Variants in PCLO observed in about 807,000 individuals in gnomAD.
The protein encoded by PCLO is protein piccolo.
Under a neutral mutation model 427.5 loss-of-function variants are expected in PCLO, and 82 were observed. The ratio of observed to expected loss-of-function variants is 0.19; its 90% CI spans 0.16 to 0.23. The LOEUF is 0.23. Among genes scored for constraint, PCLO ranks in the 10% least tolerant of loss-of-function variants. The pLI is 1.00. For missense variants in PCLO, 6,239 were observed against 6,115.9 expected (o/e 1.02, Z -0.67); for synonymous variants, 2,357 against 2,155.4 (o/e 1.09, Z -2.59).
At chr7:83,150,937 C>A (rs1009468387) in intron 2 of PCLO, among the ~76,000 whole-genome samples, 3 of 152,116 alleles carry the variant, frequency 2.0e-5, no homozygotes, top group African/African-American at 7.2e-5. Flanking sequence ...TTGGAAGATG[C>A]AGATTTACTT....
At chr7:83,132,196 C>G (rs988803768) in intron 3 of PCLO, among the ~76,000 whole-genome samples, 2 of 152,146 alleles carry the variant, frequency 1.3e-5, no homozygotes, top group Admixed American at 1.3e-4. Context: ...TGTACATTAG[C>G]ATAGTCAAGG....
intron 4 of PCLO, among the ~76,000 whole-genome samples, chr7:82,958,490 C>A (rs1338234860): frequency 6.6e-6 from 1 of 151,630 alleles, no homozygotes; most frequent in Non-Finnish European, 1.5e-5. Context: ...TAAATATATA[C>A]CTTTATTATG....
intron 22 of PCLO, among the ~76,000 whole-genome samples, chr7:82,771,709 C>A (rs1409976014): frequency 6.6e-6 from 1 of 152,018 alleles, no homozygotes; most frequent in African/African-American, 2.4e-5. Context: ...TTGTGGTAAT[C>A]TATTATGTGA....
chr7:82,827,721 T>C (rs543025064), intron 17 of PCLO, among the ~76,000 whole-genome samples, 152 bp downstream of exon 17: 148 of 152,230 alleles, frequency 9.7e-4, no homozygotes, highest in Middle Eastern at 3.4e-3. Context: ...TGTCACTCAT[T>C]TTTTTCCATT....
At position 83,156,520 on chromosome 7, in the gene PCLO, A is replaced by G. The variant is rs946733966; in HGVS notation, c.249-128T>C. ...GAATGTATAAATATAACTAGAACCC[A>G]TTTTTGTAGCATCCTTTAAGTGATC... On this transcript the variant is annotated intron_variant, in intron 1 of 24. Coordinates refer to ENST00000333891, the MANE Select transcript of PCLO (RefSeq NM_033026.6). 9.1e-6 allele frequency: 5 copies of G among 547,702 alleles called. No individual in the cohort carries two copies. In the South Asian group the frequency reaches 1.2e-4, roughly 13 times the overall value. The allele number at this position is 547,702 out of a possible 1,614,324, so 33.9% of individuals were successfully genotyped here.
chr7:82,824,202 C>T (rs1222655508), intron 19 of PCLO, 34 bp downstream of exon 19: 4 of 1,483,634 alleles, frequency 2.7e-6, no homozygotes, highest in Non-Finnish European at 3.7e-6. Flanking sequence ...CAAATAGACA[C>T]AAAACTTTTT....
chr7:82,974,418 A>C (rs1583860479), intron 3 of PCLO, among the ~76,000 whole-genome samples: 1 of 152,168 alleles, frequency 6.6e-6, no homozygotes, highest in Non-Finnish European at 1.5e-5. Flanking sequence ...CTGATCATCT[A>C]CCAGTGTGTG....
chr7:82,823,204 G>C (rs1011409896), intron 19 of PCLO, among the ~76,000 whole-genome samples: 4 of 152,104 alleles, frequency 2.6e-5, no homozygotes, highest in Non-Finnish European at 5.9e-5. Context: ...GATAAGAGTT[G>C]AGATGGCTAA....
intron 9 of PCLO, among the ~76,000 whole-genome samples, chr7:82,899,208 A>G (rs1305945059): frequency 1.3e-5 from 2 of 151,476 alleles, no homozygotes; most frequent in Non-Finnish European, 1.5e-5. Context: ...TAACATATAA[A>G]TGAAAGTAGA....
In PCLO at chr7:82,916,027, T is replaced by C. The variant is rs1442327950; in HGVS notation, c.11959A>G (p.Met3987Val). The change falls in exon 7 of 25, where the codon ATG becomes GTG. Residue 3987 changes from methionine to valine, a missense_variant. Physicochemically the swap from Met to Val is conservative, Grantham distance 21. Transcript: ENST00000333891. ...TTATCCGTAGAAACAGGTGCTATCA[T>C]AAGGGGTTGGTTGCGAATCACTTCA... Reference protein sequence around the residue: ...NYEVIRNQPLMIAPVSTDNTF... With the variant: ...NYEVIRNQPLVIAPVSTDNTF... The C allele has an allele frequency of 6.2e-7, 1 of 1,612,908 alleles. No individual in the cohort carries two copies. The highest frequency in any genetic ancestry group is 1.1e-5 in the South Asian group (1 of 91,090).
chr7:83,137,979 A>G (rs956305364), intron 2 of PCLO, among the ~76,000 whole-genome samples: 1 of 152,182 alleles, frequency 6.6e-6, no homozygotes, highest in Admixed American at 6.5e-5. Flanking sequence ...GTCTATAAAT[A>G]TGCATCTACC....
At chr7:83,106,411 T>G (rs1790857734) in intron 3 of PCLO, among the ~76,000 whole-genome samples, 1 of 152,188 alleles carries the variant, frequency 6.6e-6, no homozygotes, top group African/African-American at 2.4e-5. Context: ...CCACCTTCAA[T>G]GACAGCTCAA....
intron 22 of PCLO, among the ~76,000 whole-genome samples, chr7:82,793,116 T>A (rs1791141000): frequency 6.6e-6 from 1 of 152,114 alleles, no homozygotes; most frequent in Non-Finnish European, 1.5e-5. Context: ...AGACACATCA[T>A]GAATTTTGTC....
chr7:82,998,219 T>C (rs545969967), intron 3 of PCLO, among the ~76,000 whole-genome samples: 42 of 151,978 alleles, frequency 2.8e-4, no homozygotes, highest in Non-Finnish European at 6.0e-4. Flanking sequence ...GAAGAACAAG[T>C]CACTAATGGG....
chr7:82,914,318 T>A, intron 7 of PCLO: 1 of 464,374 alleles, frequency 2.2e-6, no homozygotes, highest in Non-Finnish European at 3.8e-6. Context: ...CAATAACTTT[T>A]AAAATATATT....
intron 22 of PCLO, 129 bp downstream of exon 22, chr7:82,801,389 A>G (rs1349986501): frequency 5.6e-6 from 3 of 539,244 alleles, no homozygotes; most frequent in Admixed American, 7.2e-5. Flanking sequence ...AGATAATGAT[A>G]TCTTACTACC....
Position 82,954,989 on chromosome 7 carries a change from T to C in PCLO, c.5964A>G (p.Gly1988=). ...EEENGFMQQK[G]REQKIRLSEQ... ...CTGAAAGTCTTATCTTTTGCTCTCT[T>C]CCTTTCTGCTGCATAAATCCATTTT... is the stretch of plus-strand genomic sequence containing the variant. Residue 1988 remains glycine (G), a synonymous_variant, in exon 5 of 25, where the codon GGA becomes GGG. Transcript: ENST00000333891. 6.2e-7 allele frequency: 1 copy of C among 1,613,834 alleles called. No individual in the cohort carries two copies.
chr7:82,806,232 A>T (rs183488529), intron 20 of PCLO, among the ~76,000 whole-genome samples: 21 of 152,314 alleles, frequency 1.4e-4, no homozygotes, highest in African/African-American at 5.1e-4. Context: ...AAATGGCAAG[A>T]TAAAGAAAAT....
At chr7:83,060,768 G>A (rs1054065398) in intron 3 of PCLO, among the ~76,000 whole-genome samples, 4 of 152,150 alleles carry the variant, frequency 2.6e-5, no homozygotes, top group African/African-American at 9.7e-5. Context: ...CTGAAGCACT[G>A]CTCTCTTTTC....
Sources: gnomAD v4.1 joint callset for allele counts (sites outside exome capture counted in the v4.1 genomes callset) on GRCh38, gnomAD v4.1.1 for gene constraint, MANE v1.5 for transcripts, NCBI Gene and HGNC (gene_info 2026-07-23, HGNC 2026-07-21) for gene names.